The following METTL15 variants were observed in gnomAD, a reference collection of about 807,000 sequenced individuals.
The protein encoded by METTL15 is methyltransferase 15, mitochondrial 12S rRNA N4-cytidine, also known as 12S rRNA N(4)-cytidine methyltransferase METTL15.
A neutral mutation model predicts 38.3 loss-of-function variants in METTL15; 34 were observed. The observed-to-expected ratio is 0.89, with a 90% CI of 0.68 to 1.18. METTL15 has a LOEUF of 1.18. Among genes scored for constraint, METTL15 ranks in the 50% most tolerant of loss-of-function variants. The pLI is 0.00. For missense variants in METTL15, 438 were observed against 498.4 expected, an observed-to-expected ratio of 0.88 and a Z score of 1.15; for synonymous variants, 162 against 170.9, an observed-to-expected ratio of 0.95 and a Z score of 0.41.
intron 6 of METTL15, among the ~76,000 whole-genome samples, chr11:28,435,156 C>T (rs1435460989): frequency 6.6e-6 from 1 of 152,154 alleles, no homozygotes; most frequent in Admixed American, 6.5e-5. Flanking sequence ...TCCTCCTTTC[C>T]CAGGACCCTC....
chr11:28,223,789 C>G (rs1178767107), intron 4 of METTL15, among the ~76,000 whole-genome samples: 2 of 152,030 alleles, frequency 1.3e-5, no homozygotes, highest in Non-Finnish European at 2.9e-5. Flanking sequence ...AAGACTGAAA[C>G]TTTTTGCTGT....
chr11:28,131,197 T>A (rs1271817256), intron 3 of METTL15, among the ~76,000 whole-genome samples: 1 of 152,210 alleles, frequency 6.6e-6, no homozygotes, highest in African/African-American at 2.4e-5. Flanking sequence ...GCTTCTATTT[T>A]GCACAGTGAC....
At chr11:28,413,396 T>C (rs989932587) in intron 5 of METTL15, among the ~76,000 whole-genome samples, 2 of 152,164 alleles carry the variant, frequency 1.3e-5, no homozygotes, top group African/African-American at 2.4e-5. Flanking sequence ...GAAAGACACA[T>C]TTCCACTTAA....
At chr11:28,490,436 G>T (rs1851485101) in intron 6 of METTL15, among the ~76,000 whole-genome samples, 2 of 152,056 alleles carry the variant, frequency 1.3e-5, no homozygotes, top group African/African-American at 4.8e-5. Flanking sequence ...CACATATTTT[G>T]CAAGAATAAT....
intron 3 of METTL15, among the ~76,000 whole-genome samples, chr11:28,169,918 TG>T (rs1253851631): frequency 6.6e-6 from 1 of 152,088 alleles, no homozygotes; most frequent in African/African-American, 2.4e-5. Flanking sequence ...AAGCAAAATT[TG>T]TATTTGCTTA....
chr11:28,440,203 C>T (rs747685283), intron 6 of METTL15, among the ~76,000 whole-genome samples: 9 of 151,808 alleles, frequency 5.9e-5, no homozygotes, highest in African/African-American at 1.5e-4. Context: ...ACAAGTTATT[C>T]GTGTTACTAG....
intron 3 of METTL15, among the ~76,000 whole-genome samples, chr11:28,126,723 G>A (rs1020459438): frequency 1.3e-5 from 2 of 152,042 alleles, no homozygotes; most frequent in Non-Finnish European, 2.9e-5. Flanking sequence ...ACTTAGTACT[G>A]GATATGCAAT....
At chr11:28,355,006 A>G (rs929289826) in intron 4 of METTL15, among the ~76,000 whole-genome samples, 3 of 152,120 alleles carry the variant, frequency 2.0e-5, no homozygotes, top group Admixed American at 2.0e-4. Context: ...GCAGGTGAAG[A>G]GTGCATCTCT....
intron 2 of METTL15, among the ~76,000 whole-genome samples, chr11:28,112,333 G>A (rs1326462942): frequency 6.6e-6 from 1 of 152,080 alleles, no homozygotes; most frequent in South Asian, 2.1e-4. Context: ...GCACTGATGT[G>A]CATCTTATTT....
chr11:28,194,122 A>ATTCTTTCTTTCTTTCTTTCTT (rs370908175), intron 3 of METTL15, among the ~76,000 whole-genome samples: 2 of 99,078 alleles, frequency 2.0e-5, no homozygotes, highest in Non-Finnish European at 4.0e-5. Context: ...TTGATGGTTG[A>ATTCTTTCTTTCTTTCTTTCTT]TCTTTCTTTC....
intron 5 of METTL15, among the ~76,000 whole-genome samples, chr11:28,377,050 C>G (rs1246476576): frequency 7.6e-6 from 1 of 131,920 alleles, no homozygotes; most frequent in Non-Finnish European, 1.7e-5. Context: ...GATGGGCTTC[C>G]CTTTGAGGGT....
chr11:28,233,274 A>T (rs1429354627), intron 4 of METTL15, among the ~76,000 whole-genome samples: 2 of 152,096 alleles, frequency 1.3e-5, no homozygotes, highest in South Asian at 2.1e-4. Context: ...AAAGAAGACT[A>T]AAGCTTTGTG....
chr11:28,279,133 A>G (rs373659115), intron 4 of METTL15, among the ~76,000 whole-genome samples: 46 of 152,206 alleles, frequency 3.0e-4, no homozygotes, highest in African/African-American at 1.1e-3. Context: ...AGCTGGCCTT[A>G]GTTTGTCATG....
intron 3 of METTL15, among the ~76,000 whole-genome samples, chr11:28,137,160 T>G (rs1849542184): frequency 6.6e-6 from 1 of 152,232 alleles, no homozygotes; most frequent in African/African-American, 2.4e-5. Context: ...TAAAACCTTG[T>G]TGTACTTCTA....
chr11:28,203,369 G>C (rs137952397), intron 3 of METTL15, among the ~76,000 whole-genome samples: 1 of 152,128 alleles, frequency 6.6e-6, no homozygotes, highest in African/African-American at 2.4e-5. Context: ...TAGCAGGTTT[G>C]AATTAAAAGA....
intron 6 of METTL15, among the ~76,000 whole-genome samples, chr11:28,491,858 G>A (rs772566534): frequency 1.9e-4 from 29 of 152,006 alleles, no homozygotes; most frequent in Non-Finnish European, 4.1e-4. Context: ...AATTTAACTG[G>A]ATGCCTTCTA....
intron 4 of METTL15, among the ~76,000 whole-genome samples, chr11:28,273,908 G>A (rs775117196): frequency 6.6e-5 from 10 of 152,108 alleles, no homozygotes; most frequent in South Asian, 2.1e-4. Context: ...GCAGATTTCC[G>A]TCTAATCACC....
At chr11:28,339,130 C>G (rs1376596809) in intron 3 of METTL15, among the ~76,000 whole-genome samples, 1 of 152,168 alleles carries the variant, frequency 6.6e-6, no homozygotes, top group Non-Finnish European at 1.5e-5. Flanking sequence ...ATCCTAGACA[C>G]TAGAGTCCCT....
chr11:28,491,991 C>T (rs915094614), intron 6 of METTL15, among the ~76,000 whole-genome samples: 2 of 152,090 alleles, frequency 1.3e-5, no homozygotes, highest in African/African-American at 2.4e-5. Context: ...TTTCCCTACC[C>T]TGTTTGCATT....
Sources: gnomAD v4.1 joint callset for allele counts (sites outside exome capture counted in the v4.1 genomes callset) on GRCh38, gnomAD v4.1.1 for gene constraint, MANE v1.5 for transcripts, NCBI Gene and HGNC (gene_info 2026-07-23, HGNC 2026-07-21) for gene names.